PHACTR2: variants seen among roughly 807,000 people sequenced by gnomAD.
PHACTR2 encodes the protein phosphatase and actin regulator 2.
A neutral mutation model predicts 76.0 loss-of-function variants in PHACTR2; 30 were observed. The observed-to-expected ratio is 0.39, with a 90% confidence interval of 0.30 to 0.54. PHACTR2 has a LOEUF of 0.54. PHACTR2 is among the 20% of genes least tolerant of loss of function. PHACTR2 has a pLI of 0.61. For synonymous variants in PHACTR2, 292 were observed against 292.5 expected (o/e 1.00, Z 0.02); for missense variants, 696 against 781.1 (o/e 0.89, Z 1.30).
In PHACTR2 at chr6:143,755,923, G is replaced by T. The variant is rs1410995512; in HGVS notation, c.454+2011G>T. Among the ~76,000 whole-genome samples the T allele has an allele frequency of 6.6e-6, 1 of 151,954 alleles. No individual in the cohort carries two copies. The highest frequency in any genetic ancestry group is 1.5e-5 in the Non-Finnish European group (1 of 68,018). On this transcript the variant is annotated intron_variant, in intron 4 of 12. Coordinates refer to ENST00000440869, the MANE Select transcript of PHACTR2 (RefSeq NM_001100164.2). The surrounding 1 kb of genome is among the most constrained non-coding windows in gnomAD (Gnocchi z 5.2). Reference sequence around the variant, plus strand: ...CAACTCAAGCTTCACTTTTGCCTCTGCTCCTCTTCTGGTCTCACTGCTTGT... The same window carrying T: ...CAACTCAAGCTTCACTTTTGCCTCTTCTCCTCTTCTGGTCTCACTGCTTGT...
chr6:143,605,003 T>C (rs929004741), upstream of PHACTR2, among the ~76,000 whole-genome samples: 1 of 151,582 alleles, frequency 6.6e-6, no homozygotes. This position sits in a 1 kb window ranked among gnomAD's most constrained non-coding sequence, Gnocchi z 5.0. Context: ...GTTTTTTTTT[T>C]TGTAGAAAGA....
chr6:143,538,307 A>G (rs986666508), intron 1 of PHACTR2, among the ~76,000 whole-genome samples: 5 of 152,336 alleles, frequency 3.3e-5, no homozygotes, highest in African/African-American at 1.2e-4. Context: ...CAGAGTGGGA[A>G]TCATAGTATG....
intron 1 of PHACTR2, chr6:143,711,157 C>T: frequency 2.5e-6 from 1 of 399,622 alleles, no homozygotes; most frequent in Non-Finnish European, 4.9e-6. Context: ...AGTTTCTTCT[C>T]AGGTTATTTC....
In PHACTR2 at chr6:143,818,627, T is replaced by C. The variant is rs141393017; in HGVS notation, c.1923-5047T>C. 2.2e-3 allele frequency among the ~76,000 whole-genome samples: 336 copies of C among 151,764 alleles called. No individual in the cohort carries two copies. The highest frequency in any genetic ancestry group is 5.3e-3 in the African/African-American group (220 of 41,352). Reference sequence around the variant, plus strand: ...TCACAGTTCCATGTGGCTGGGGAGGTCTCAGGAAACCTGCAATCCTGGCAG... The same window carrying C: ...TCACAGTTCCATGTGGCTGGGGAGGCCTCAGGAAACCTGCAATCCTGGCAG... On this transcript the variant is annotated intron_variant, in intron 12 of 12. Coordinates refer to ENST00000440869, the MANE Select transcript of PHACTR2 (RefSeq NM_001100164.2). The surrounding 1 kb of genome is among the most constrained non-coding windows in gnomAD (Gnocchi z 4.9).
At chr6:143,576,268 C>T (rs1358704231) in intron 1 of PHACTR2, among the ~76,000 whole-genome samples, 1 of 152,164 alleles carries the variant, frequency 6.6e-6, no homozygotes, top group Admixed American at 6.5e-5. Flanking sequence ...TATAACACTC[C>T]GCTCTCATGA....
intron 12 of PHACTR2, among the ~76,000 whole-genome samples, chr6:143,810,984 A>G (rs1409831243): frequency 6.6e-6 from 1 of 152,026 alleles, no homozygotes; most frequent in Non-Finnish European, 1.5e-5. Context: ...AAACTTTTTA[A>G]TGGTATTTTG....
At chr6:143,638,538 T>G (rs1222341973) in intron 1 of PHACTR2, among the ~76,000 whole-genome samples, 7 of 141,120 alleles carry the variant, frequency 5.0e-5, no homozygotes, top group Admixed American at 4.3e-4. Flanking sequence ...AGCAAGACCT[T>G]GTCTCAAAAA....
intron 1 of PHACTR2, among the ~76,000 whole-genome samples, chr6:143,711,683 A>G (rs922786945): frequency 1.3e-5 from 2 of 152,202 alleles, no homozygotes; most frequent in African/African-American, 2.4e-5. Flanking sequence ...AATACTTAGA[A>G]TACTCTATTC....
intron 12 of PHACTR2, among the ~76,000 whole-genome samples, chr6:143,815,907 A>G (rs1177539604): frequency 6.6e-6 from 1 of 152,036 alleles, no homozygotes; most frequent in African/African-American, 2.4e-5. Context: ...AAAAAAAAAA[A>G]AAAGAATTTA....
At chr6:143,649,504 A>G (rs994201890) in intron 1 of PHACTR2, among the ~76,000 whole-genome samples, 1 of 152,182 alleles carries the variant, frequency 6.6e-6, no homozygotes, top group Non-Finnish European at 1.5e-5. Context: ...ATGATTCAGT[A>G]GGCTTCATCC....
intron 12 of PHACTR2, among the ~76,000 whole-genome samples, chr6:143,808,984 A>G (rs969806366): frequency 6.6e-6 from 1 of 152,222 alleles, no homozygotes; most frequent in Non-Finnish European, 1.5e-5. Context: ...GAGTGACATC[A>G]TGCTGGCTGG....
At chr6:143,645,154 C>A (rs1435358384) in intron 1 of PHACTR2, among the ~76,000 whole-genome samples, 4 of 152,012 alleles carry the variant, frequency 2.6e-5, no homozygotes, top group Non-Finnish European at 5.9e-5. Context: ...GGGCATCTAC[C>A]CAGAGGAAAA....
chr6:143,795,430 A>G lies in PHACTR2; in HGVS notation c.1845+6520A>G, dbSNP rs1189068389. On this transcript the variant is annotated intron_variant, in intron 11 of 12. Transcript: ENST00000440869. This position sits in a 1 kb window ranked among gnomAD's most constrained non-coding sequence, Gnocchi z 4.8. ...CCCTGTCTCTAAAACAAAAATAAAC[A>G]AAATAAAATTTTCAGTTTTAGAATA... is the stretch of plus-strand genomic sequence containing the variant. 6.6e-6 allele frequency among the ~76,000 whole-genome samples: 1 copy of G among 152,236 alleles called. No homozygotes were observed. The highest frequency in any genetic ancestry group is 6.5e-5 in the Admixed American group (1 of 15,278).
chr6:143,662,047 A>G lies in PHACTR2; in HGVS notation c.14-49969A>G, dbSNP rs1047188379. 4.6e-5 allele frequency among the ~76,000 whole-genome samples: 7 copies of G among 152,232 alleles called. No individual in the cohort carries two copies. Among genetic ancestry groups the G allele is most frequent in the Non-Finnish European group, 7.4e-5 (5 of 68,016 alleles). ...GATTACATGATTTCTCCCTGAATAA[A>G]TCTTGTTTTGATGAAAGATTAAGTC... is the stretch of plus-strand genomic sequence containing the variant. On this transcript the variant is annotated intron_variant, in intron 1 of 11. Transcript: ENST00000305766. This position sits in a 1 kb window ranked among gnomAD's most constrained non-coding sequence, Gnocchi z 4.7.
In PHACTR2 at chr6:143,656,521, C is replaced by T. The variant is rs1483362699; in HGVS notation, c.13+48199C>T. 6.6e-6 allele frequency among the ~76,000 whole-genome samples: 1 copy of T among 151,490 alleles called. No individual in the cohort carries two copies. The highest frequency in any genetic ancestry group is 2.4e-5 in the African/African-American group (1 of 41,232). On this transcript the variant is annotated intron_variant, in intron 1 of 11. Coordinates refer to the PHACTR2 transcript ENST00000305766. This position sits in a 1 kb window ranked among gnomAD's most constrained non-coding sequence, Gnocchi z 5.3. ...CAAAGCCATCCTGGGCTGTGTGTGT[C>T]CCACAGGCTGCAGGTTGGGCAAGTT...
chr6:143,556,224 G>A lies in PHACTR2; in HGVS notation c.217+19017G>A, dbSNP rs376418821. 2.0e-5 allele frequency among the ~76,000 whole-genome samples: 3 copies of A among 152,240 alleles called. No homozygotes were observed. The highest frequency in any genetic ancestry group is 6.5e-5 in the Admixed American group (1 of 15,290). On this transcript the variant is annotated intron_variant, in intron 1 of 11. Transcript: ENST00000367584. This position sits in a 1 kb window ranked among gnomAD's most constrained non-coding sequence, Gnocchi z 4.3. ...TGTGATACCAGCTACTGTATAATTC[G>A]GCCCCAGTTCATTTCAGACTTTCTT...
intron 11 of PHACTR2, among the ~76,000 whole-genome samples, chr6:143,796,449 A>C (rs1775824977): frequency 6.6e-6 from 1 of 151,482 alleles, no homozygotes; most frequent in Admixed American, 6.6e-5. Context: ...TCTGGGTTAC[A>C]TGTGCAGAAC....
In PHACTR2 at chr6:143,823,795, T is replaced by A; in HGVS notation, c.*106T>A. 1 of 953,120 alleles carries A rather than the reference T, an allele frequency of 1.0e-6. No individual in the cohort carries two copies. The highest frequency in any genetic ancestry group is 1.7e-6 in the Non-Finnish European group (1 of 586,994). 59.0% of individuals were successfully genotyped at this position (953,120 alleles called of 1,614,324 possible). A position where few individuals can be genotyped will look rare whatever the true frequency, so the allele number is the denominator to read the frequency against. On this transcript the variant is annotated 3_prime_UTR_variant, in exon 13 of 13. Coordinates refer to ENST00000440869, the MANE Select transcript of PHACTR2 (RefSeq NM_001100164.2). The surrounding 1 kb of genome is among the most constrained non-coding windows in gnomAD (Gnocchi z 5.7). ...GGATTTGAATGTGTGTGTTTCCGTT[T>A]AACTTGTGGTGAAGGAAGTGTGTGA...
chr6:143,643,937 A>C (rs1296033622), intron 1 of PHACTR2, among the ~76,000 whole-genome samples: 2 of 152,196 alleles, frequency 1.3e-5, no homozygotes, highest in Non-Finnish European at 2.9e-5. Context: ...GATATCAAAA[A>C]AGATTAGAAG....
Sources: allele counts gnomAD v4.1 joint callset (sites outside exome capture counted in the v4.1 genomes callset), GRCh38; gene constraint gnomAD v4.1.1; non-coding constraint Gnocchi (gnomAD v3.1); transcripts MANE v1.5; gene names NCBI Gene and HGNC (gene_info 2026-07-23, HGNC 2026-07-21).